The following DOCK8 variants were observed in gnomAD, a reference collection of about 807,000 sequenced individuals.
DOCK8 encodes dedicator of cytokinesis 8.
In DOCK8, 141 loss-of-function variants were observed where a neutral mutation model predicts 245.6. The observed-to-expected ratio is 0.57, with a 90% CI of 0.50 to 0.66. The LOEUF is 0.66. Among genes scored for constraint, DOCK8 ranks in the 30% least tolerant of loss-of-function variants. The pLI, the probability that DOCK8 is intolerant of heterozygous loss-of-function variation, is 0.00. For missense variants in DOCK8, 2,965 were observed against 2,603.4 expected, an observed-to-expected ratio of 1.14 and a Z score of -3.02; for synonymous variants, 1,168 against 970.2, an observed-to-expected ratio of 1.20 and a Z score of -3.79.
chr9:217,992 T>TA (rs900343359), intron 1 of DOCK8, among the ~76,000 whole-genome samples: 4 of 152,210 alleles, frequency 2.6e-5, no homozygotes, highest in African/African-American at 7.2e-5. Flanking sequence ...AATTAATTTT[T>TA]AAAAAATCAT....
rs1460286658 is a variant in DOCK8, at chr9:282,600, A to C, written c.157-3861A>C. Among the ~76,000 whole-genome samples the C allele has an allele frequency of 4.0e-5, 6 of 151,752 alleles. No individual in the cohort carries two copies. The East Asian group carries it at 9.7e-4, about 24-fold the overall frequency. On this transcript the variant is annotated intron_variant, in intron 2 of 47. Coordinates refer to ENST00000432829, the MANE Select transcript of DOCK8 (RefSeq NM_203447.4). The stretch of plus-strand genomic sequence containing the variant: ...CACCCATCTAACTTTAAAAAAAAAA[A>C]AATTGTAAAGACAGAGTCTCACTTT...
At chr9:370,328 A>G (rs764027196) in intron 16 of DOCK8, 28 bp downstream of exon 16, 2 of 1,597,396 alleles carry the variant, frequency 1.3e-6, no homozygotes, top group African/African-American at 1.3e-5. Flanking sequence ...TTCTAAATAT[A>G]TGCCAAGATG....
At chr9:405,207 G>T in intron 27 of DOCK8, 134 bp downstream of exon 27, 1 of 920,626 alleles carries the variant, frequency 1.1e-6, no homozygotes, top group Non-Finnish European at 1.7e-6. Context: ...ACCAGATCAA[G>T]TATGCTACCC....
At chr9:327,670 T>G (rs1280535214) in intron 8 of DOCK8, among the ~76,000 whole-genome samples, 1 of 152,242 alleles carries the variant, frequency 6.6e-6, no homozygotes, top group Non-Finnish European at 1.5e-5. Flanking sequence ...GTGCTGGGAT[T>G]ACGAGTGTGA....
intron 2 of DOCK8, among the ~76,000 whole-genome samples, chr9:281,847 A>T (rs940679587): frequency 6.6e-6 from 1 of 152,214 alleles, no homozygotes; most frequent in African/African-American, 2.4e-5. Flanking sequence ...TTTACACCAC[A>T]TTTGGAATGA....
In DOCK8 at chr9:418,175, T is replaced by C; in HGVS notation, c.3808T>C (p.Leu1270=). ...GGCCATAGCAGGGAATAATTTCAAT[T>C]TGAAAACAAGTGGAATAGTGCTGTC... The part of the protein sequence containing the change: ...ALAIAGNNFN[L]KTSGIVLSSL... The change falls in exon 30 of 48, where the codon TTG becomes CTG. Residue 1270 remains leucine (L), a synonymous_variant. Coordinates refer to ENST00000432829, the MANE Select transcript of DOCK8 (RefSeq NM_203447.4). The C allele has an allele frequency of 2.5e-6, 4 of 1,614,234 alleles. No individual in the cohort carries two copies. Among genetic ancestry groups the C allele is most frequent in the Non-Finnish European group, 3.4e-6 (4 of 1,180,030 alleles).
chr9:294,212 G>C (rs150899717), intron 4 of DOCK8, among the ~76,000 whole-genome samples: 8 of 152,286 alleles, frequency 5.3e-5, no homozygotes, highest in Admixed American at 4.6e-4. Context: ...GACCATTTTG[G>C]TTGTCACCAT....
At chr9:239,969 G>C (rs1325538209) in intron 1 of DOCK8, among the ~76,000 whole-genome samples, 1 of 152,098 alleles carries the variant, frequency 6.6e-6, no homozygotes, top group Non-Finnish European at 1.5e-5. Context: ...ATTCACATTA[G>C]AAACAGTACA....
chr9:420,680 A>T lies in DOCK8; in HGVS notation c.4023+97A>T, dbSNP rs2056240401. 2.0e-6 allele frequency: 3 copies of T among 1,489,786 alleles called. No individual in the cohort carries two copies. In the East Asian group the frequency reaches 6.8e-5, roughly 34 times the overall value. The allele number at this position is 1,489,786 out of a possible 1,614,324, so 92.3% of individuals were successfully genotyped here. On this transcript the variant is annotated intron_variant, in intron 31 of 47. Transcript: ENST00000432829. ...CCTTTGTTTGGGCCATGGAGGCATC[A>T]TTAATTTTTCTCATTTCTGTATTCA...
chr9:446,694 G>A (rs562402586), intron 44 of DOCK8, 88 bp downstream of exon 44: 2 of 1,182,710 alleles, frequency 1.7e-6, no homozygotes, highest in South Asian at 1.3e-5. Flanking sequence ...ACAGTGGATT[G>A]GACTGAAAAC....
intron 2 of DOCK8, among the ~76,000 whole-genome samples, chr9:281,641 C>CCGTGTGTGTGTGTGTGTG (rs370850198): frequency 4.0e-5 from 6 of 150,796 alleles, no homozygotes; most frequent in African/African-American, 1.5e-4. Context: ...GTTTGTGTGC[C>CCGTGTGTGTGTGTGTGTG]TGTGTGTGTG....
At chr9:360,732 A>C (rs12335901) in intron 14 of DOCK8, among the ~76,000 whole-genome samples, 1 of 152,008 alleles carries the variant, frequency 6.6e-6, no homozygotes, top group African/African-American at 2.4e-5. Context: ...TGTGTTTGTC[A>C]TCCTGAGAGC....
intron 39 of DOCK8, among the ~76,000 whole-genome samples, chr9:437,476 T>G (rs1278849134): frequency 6.6e-6 from 1 of 152,174 alleles, no homozygotes; most frequent in Non-Finnish European, 1.5e-5. Flanking sequence ...GCCAGAGAAA[T>G]GGAGTGCTCT....
At chr9:418,296 G>C in intron 30 of DOCK8, 89 bp downstream of exon 30, 2 of 1,544,288 alleles carry the variant, frequency 1.3e-6, no homozygotes, top group South Asian at 1.1e-5. Context: ...TTTTGAGACA[G>C]AGTCTCACTC....
chr9:261,219 A>C (rs752788183), intron 1 of DOCK8, among the ~76,000 whole-genome samples: 3 of 152,190 alleles, frequency 2.0e-5, no homozygotes, highest in Non-Finnish European at 4.4e-5. Flanking sequence ...ATTGCAAAAT[A>C]TCTTACATGC....
At chr9:355,938 C>CA (rs2052422733) in intron 14 of DOCK8, among the ~76,000 whole-genome samples, 1 of 152,110 alleles carries the variant, frequency 6.6e-6, no homozygotes, top group African/African-American at 2.4e-5. Flanking sequence ...AAAGTAGTTC[C>CA]AATCCTTCCC....
intron 25 of DOCK8, 107 bp from the exon 26 acceptor site, chr9:399,039 G>T: frequency 9.9e-7 from 1 of 1,011,836 alleles, no homozygotes; most frequent in Admixed American, 1.9e-5. Flanking sequence ...CAGAAGGACA[G>T]TGGCTGAAAT....
chr9:284,130 AAACTC>A (rs2048710396), intron 2 of DOCK8, among the ~76,000 whole-genome samples: 1 of 152,196 alleles, frequency 6.6e-6, no homozygotes. Context: ...TCCTGACTCT[AAACTC>A]TGTATTCCAT....
intron 14 of DOCK8, among the ~76,000 whole-genome samples, chr9:350,108 C>A (rs566214995): frequency 6.6e-6 from 1 of 151,994 alleles, no homozygotes; most frequent in East Asian, 1.9e-4. Context: ...TTCTCATGCC[C>A]TTCTTTCATT....
Sources: gnomAD v4.1 joint callset for allele counts (sites outside exome capture counted in the v4.1 genomes callset) on GRCh38, gnomAD v4.1.1 for gene constraint, MANE v1.5 for transcripts, NCBI Gene and HGNC (gene_info 2026-07-23, HGNC 2026-07-21) for gene names.